PFKFB2: variants seen among roughly 807,000 people sequenced by gnomAD.
PFKFB2 encodes 6-phosphofructo-2-kinase/fructose-2,6-biphosphatase 2, also known as 6-phosphofructo-2-kinase/fructose-2,6-bisphosphatase 2.
In PFKFB2, 53 loss-of-function variants were observed where a neutral mutation model predicts 68.0. The ratio of observed to expected loss-of-function variants is 0.78; its 90% confidence interval spans 0.63 to 0.98. The LOEUF (loss-of-function observed/expected upper bound fraction) is 0.98. Ranked by LOEUF, PFKFB2 falls within the 50% of genes least tolerant of loss-of-function variation. The pLI, the probability that PFKFB2 is intolerant of heterozygous loss-of-function variation, is 0.00. For missense variants in PFKFB2, 451 were observed against 642.0 expected, an observed-to-expected ratio of 0.70 and a Z score of 3.22; for synonymous variants, 222 against 227.6, an observed-to-expected ratio of 0.98 and a Z score of 0.22.
At position 207,055,709 on chromosome 1, in the gene PFKFB2, C is replaced by T. The variant is rs187843324; in HGVS notation, c.85+907C>T. ...ATATATCTCAGCAGGTGGAAACAGC[C>T]GACCAGCATGAGACCAGGAATTATC... On this transcript the variant is annotated intron_variant, in intron 2 of 14. Transcript: ENST00000367080. Among the ~76,000 whole-genome samples, 646 of 151,894 alleles carry T rather than the reference C, an allele frequency of 4.3e-3. 5 individuals are homozygous for T. The highest frequency in any genetic ancestry group is 0.015 in the African/African-American group (629 of 41,356).
At position 207,063,888 on chromosome 1, in the gene PFKFB2, G is replaced by T. The variant is rs536351697; in HGVS notation, c.507+59G>T. On this transcript the variant is annotated intron_variant, in intron 7 of 14. Coordinates refer to ENST00000367080, the MANE Select transcript of PFKFB2 (RefSeq NM_006212.2). This position sits in a 1 kb window ranked among gnomAD's most constrained non-coding sequence, Gnocchi z 4.1. ...ACCTTTTGTGCTGTGTGTGTTGTGG[G>T]GTGTGTGTGTGTGTGTGTGTGTGTG... The T allele has an allele frequency of 1.7e-5, 17 of 1,016,606 alleles. No individual in the cohort carries two copies. The highest frequency in any genetic ancestry group is 1.5e-4 in the African/African-American group (9 of 60,032). The allele number at this position is 1,016,606 out of a possible 1,614,324, so 63.0% of individuals were successfully genotyped here.
In PFKFB2 at chr1:207,072,932, T is replaced by C. The variant is rs1683511233; in HGVS notation, c.*561T>C. 4.1e-6 allele frequency: 4 copies of C among 985,412 alleles called. No homozygotes were observed. Among genetic ancestry groups the C allele is most frequent in the Non-Finnish European group, 3.6e-6 (3 of 830,132 alleles). 61.0% of individuals were successfully genotyped at this position (985,412 alleles called of 1,614,324 possible). ...TGGTGTCTGTCTAGGAAGGAAGGGG[T>C]GATTGACAAGAGACAAGTCTGGCCC... On this transcript the variant is annotated 3_prime_UTR_variant, in exon 15 of 15. Coordinates refer to ENST00000367080, the MANE Select transcript of PFKFB2 (RefSeq NM_006212.2).
In PFKFB2 at chr1:207,070,456, T is replaced by C; in HGVS notation, c.1222+47T>C. 1.3e-6 allele frequency: 2 copies of C among 1,596,758 alleles called. No individual in the cohort carries two copies. The highest frequency in any genetic ancestry group is 1.7e-6 in the Non-Finnish European group (2 of 1,169,058). On this transcript the variant is annotated intron_variant, in intron 12 of 14. Coordinates refer to ENST00000367080, the MANE Select transcript of PFKFB2 (RefSeq NM_006212.2). This position sits in a 1 kb window ranked among gnomAD's most constrained non-coding sequence, Gnocchi z 4.2. ...GGAGACACATCCAGTGGGAGAGGGC[T>C]GGACTTGCAGTGGCACCAGGATTCC... is the stretch of plus-strand genomic sequence containing the variant.
In PFKFB2 at chr1:207,077,177, C is replaced by CTGAACAGA. The variant is rs145648377; in HGVS notation, c.*4806_*4807insTGAACAGA. 4.3e-3 allele frequency: 4,221 copies of CTGAACAGA among 985,292 alleles called. 136 individuals are homozygous for CTGAACAGA. In the African/African-American group the frequency reaches 0.069, roughly 16 times the overall value. The allele number at this position is 985,292 out of a possible 1,614,324, so 61.0% of individuals were successfully genotyped here. A position where few individuals can be genotyped will look rare whatever the true frequency, so the allele number is the denominator to read the frequency against. The stretch of plus-strand genomic sequence containing the variant: ...CCTGCTTTAGGGCAGGACTTCAGTT[C>CTGAACAGA]CACTGTTCATTTCTGAAGCTTCTGT... On this transcript the variant is annotated 3_prime_UTR_variant, in exon 15 of 15. Transcript: ENST00000367080.
In PFKFB2 at chr1:207,074,527, C is replaced by T. The variant is rs1031870560; in HGVS notation, c.*2156C>T. The T allele has an allele frequency of 1.2e-5, 12 of 985,382 alleles. No individual in the cohort carries two copies. Among genetic ancestry groups the T allele is most frequent in the Middle Eastern group, 5.2e-4 (1 of 1,914 alleles). The allele number at this position is 985,382 out of a possible 1,614,324, so 61.0% of individuals were successfully genotyped here. A position where few individuals can be genotyped will look rare whatever the true frequency, so the allele number is the denominator to read the frequency against. On this transcript the variant is annotated 3_prime_UTR_variant, in exon 15 of 15. Transcript: ENST00000367080. ...ATCACTGGCAACTGACTCCTGACCC[C>T]GGGTCCTTTACTCGTATGTCCCAAG...
intron 1 of PFKFB2, among the ~76,000 whole-genome samples, chr1:207,036,990 C>T (rs1156776155): frequency 2.6e-5 from 4 of 152,154 alleles, no homozygotes; most frequent in South Asian, 4.1e-4. Flanking sequence ...AGTGTAATTC[C>T]ATTACTATCA....
At chr1:207,065,925 G>A (rs753339739) in intron 8 of PFKFB2, among the ~76,000 whole-genome samples, 1 of 152,160 alleles carries the variant, frequency 6.6e-6, no homozygotes, top group Non-Finnish European at 1.5e-5. Context: ...CTGAATGGGG[G>A]TGTTGTAGGA....
chr1:207,049,753 C>T (rs1212715252), upstream of PFKFB2: 6 of 1,571,064 alleles, frequency 3.8e-6, no homozygotes, highest in African/African-American at 6.8e-5. Context: ...TCCCGATCTG[C>T]AAAGAAATTA....
downstream of PFKFB2, chr1:207,079,328 C>A: frequency 2.3e-6 from 1 of 429,760 alleles, no homozygotes; most frequent in East Asian, 4.5e-5. Flanking sequence ...CATTTAACAT[C>A]CTACCTGTGA....
At chr1:207,055,040 G>C (rs543695450) in intron 2 of PFKFB2, 6 of 440,700 alleles carry the variant, frequency 1.4e-5, no homozygotes, top group Non-Finnish European at 2.5e-5. Flanking sequence ...TTCTTAAACT[G>C]AATCTCTGTC....
At chr1:207,041,980 G>T (rs1682486063) in intron 1 of PFKFB2, among the ~76,000 whole-genome samples, 1 of 152,174 alleles carries the variant, frequency 6.6e-6, no homozygotes, top group Non-Finnish European at 1.5e-5. Flanking sequence ...AATGTATTTT[G>T]ATAGCTTTCA....
intron 1 of PFKFB2, among the ~76,000 whole-genome samples, chr1:207,039,936 T>C (rs147092580): frequency 2.0e-5 from 3 of 152,122 alleles, no homozygotes; most frequent in African/African-American, 4.8e-5. Context: ...AGAGGCTGAG[T>C]GGTACTTCTG....
chr1:207,035,547 G>A (rs112977358), intron 1 of PFKFB2, among the ~76,000 whole-genome samples: 4,419 of 152,170 alleles, frequency 0.029, 207 homozygotes, highest in African/African-American at 0.1. Flanking sequence ...CCAGGTGCTC[G>A]TGGGGTGAGG....
At chr1:207,052,450 T>G, upstream of PFKFB2, 1 of 467,196 alleles carries the variant, frequency 2.1e-6, no homozygotes, top group Non-Finnish European at 3.9e-6. Context: ...TCACCCGAGG[T>G]CAGAAGTTCG....
In PFKFB2 at chr1:207,063,069, A is replaced by G; in HGVS notation, c.309-74A>G. 8.0e-7 allele frequency: 1 copy of G among 1,247,644 alleles called. No homozygotes were observed. The highest frequency in any genetic ancestry group is 1.2e-6 in the Non-Finnish European group (1 of 847,898). 77.3% of individuals were successfully genotyped at this position (1,247,644 alleles called of 1,614,324 possible). A position where few individuals can be genotyped will look rare whatever the true frequency, so the allele number is the denominator to read the frequency against. On this transcript the variant is annotated intron_variant, in intron 4 of 14. Transcript: ENST00000367080. This position sits in a 1 kb window ranked among gnomAD's most constrained non-coding sequence, Gnocchi z 4.1. ...AAGTGGGCAGGGATGTGACTTCTGTAGCCACCCGAATGTTTGTGTCTCTGA... is the reference window on the plus strand; with the variant it reads ...AAGTGGGCAGGGATGTGACTTCTGTGGCCACCCGAATGTTTGTGTCTCTGA...
chr1:207,045,567 T>C (rs1682579056), intron 2 of PFKFB2: 1 of 151,728 alleles, frequency 6.6e-6, no homozygotes, highest in Non-Finnish European at 1.5e-5. Flanking sequence ...ACATAATTCT[T>C]AGTATGTTTA....
intron 1 of PFKFB2, among the ~76,000 whole-genome samples, chr1:207,039,930 G>C (rs1487190747): frequency 6.6e-6 from 1 of 152,170 alleles, no homozygotes; most frequent in African/African-American, 2.4e-5. Flanking sequence ...ATGCTGAGAG[G>C]CTGAGTGGTA....
At chr1:207,042,549 C>CATAAAAA (rs1682499818) in intron 2 of PFKFB2, among the ~76,000 whole-genome samples, 1 of 44,714 alleles carries the variant, frequency 2.2e-5, no homozygotes, top group Non-Finnish European at 4.2e-5. Context: ...CTCTGTCTCA[C>CATAAAAA]AAAAAAAAAA....
chr1:207,049,182 T>C, upstream of PFKFB2: 1 of 1,614,070 alleles, frequency 6.2e-7, no homozygotes, highest in Non-Finnish European at 8.5e-7. Flanking sequence ...CCAGTGCTTG[T>C]ACAAGAACAA....
Sources: allele counts gnomAD v4.1 joint callset (sites outside exome capture counted in the v4.1 genomes callset), GRCh38; gene constraint gnomAD v4.1.1; non-coding constraint Gnocchi (gnomAD v3.1); transcripts MANE v1.5; gene names NCBI Gene and HGNC (gene_info 2026-07-23, HGNC 2026-07-21).